The following PRKAR1B variants were observed in gnomAD, a reference collection of about 807,000 sequenced individuals.
PRKAR1B encodes the protein cAMP-dependent protein kinase type I-beta regulatory subunit.
In PRKAR1B, 22 loss-of-function variants were observed where a neutral mutation model predicts 46.5. The observed-to-expected ratio is 0.47, with a 90% confidence interval of 0.34 to 0.68. PRKAR1B has a LOEUF of 0.68. Among genes scored for constraint, PRKAR1B ranks in the 30% least tolerant of loss-of-function variants. The probability of loss-of-function intolerance (pLI) is 0.01; values close to 1 mark genes in which losing one functional copy is unlikely to be tolerated. For synonymous variants in PRKAR1B, 259 were observed against 217.7 expected (o/e 1.19, Z -1.67); for missense variants, 445 against 535.6 (o/e 0.83, Z 1.67).
At position 583,672 on chromosome 7, in the gene PRKAR1B, A is replaced by ACT. The variant is rs1554287338; in HGVS notation, c.769+835_769+836insAG. ...TGCACACCCATGCGCACACACCCAC[A>ACT]CACAACCCACACGGTGCACTCACAC... On this transcript the variant is annotated intron_variant, in intron 8 of 10. Coordinates refer to ENST00000537384, the MANE Select transcript of PRKAR1B (RefSeq NM_001164760.2). Among the ~76,000 whole-genome samples, 8 of 134,278 alleles carry ACT rather than the reference A, an allele frequency of 6.0e-5. 1 individual carries two copies. Among genetic ancestry groups the ACT allele is most frequent in the South Asian group, 2.4e-4 (1 of 4,186 alleles). The allele number at this position is 134,278 out of a possible 152,430, so 88.1% of individuals were successfully genotyped here.
intron 9 of PRKAR1B, among the ~76,000 whole-genome samples, chr7:562,666 A>G (rs1389174602): frequency 6.6e-6 from 1 of 152,206 alleles, no homozygotes; most frequent in Non-Finnish European, 1.5e-5. Flanking sequence ...GGTTCCAGAA[A>G]GAGCTCTTAA....
intron 6 of PRKAR1B, 77 bp from the exon 7 acceptor site, chr7:596,381 C>A: frequency 6.6e-7 from 1 of 1,515,734 alleles, no homozygotes. Flanking sequence ...AGAAAGTCCC[C>A]CTTAGCTCTC....
At chr7:584,994 C>T (rs781297181) in intron 7 of PRKAR1B, among the ~76,000 whole-genome samples, 4 of 152,104 alleles carry the variant, frequency 2.6e-5, no homozygotes, top group Non-Finnish European at 4.4e-5. Flanking sequence ...GTGCGGCTGA[C>T]GTCAGCTAAG....
At chr7:580,956 G>A (rs1354124903) in intron 8 of PRKAR1B, among the ~76,000 whole-genome samples, 1 of 152,140 alleles carries the variant, frequency 6.6e-6, no homozygotes, top group African/African-American at 2.4e-5. Context: ...TGCAGCATAG[G>A]GAAGGGGGGC....
At chr7:680,120 T>TGCACTCCA (rs1401319039) in intron 3 of PRKAR1B, among the ~76,000 whole-genome samples, 1 of 142,634 alleles carries the variant, frequency 7.0e-6, no homozygotes, top group African/African-American at 2.7e-5. Flanking sequence ...ATCGCACCAC[T>TGCACTCCA]GCACTCCAGC....
chr7:660,147 G>A (rs1162095101), intron 4 of PRKAR1B, among the ~76,000 whole-genome samples: 2 of 152,040 alleles, frequency 1.3e-5, no homozygotes, highest in African/African-American at 2.4e-5. Flanking sequence ...GCAGAGAGGG[G>A]AGGAGCCCAT....
intron 1 of PRKAR1B, among the ~76,000 whole-genome samples, chr7:725,256 G>A (rs1010871072): frequency 6.6e-6 from 1 of 150,402 alleles, no homozygotes; most frequent in South Asian, 2.1e-4. Flanking sequence ...CCACCATTTT[G>A]CAACACGAAG....
chr7:618,269 C>G (rs976636189), intron 4 of PRKAR1B, among the ~76,000 whole-genome samples: 5 of 152,224 alleles, frequency 3.3e-5, no homozygotes, highest in African/African-American at 1.2e-4. Flanking sequence ...TTGGCAACAC[C>G]TGTGTTTCGT....
intron 2 of PRKAR1B, among the ~76,000 whole-genome samples, chr7:701,225 G>C (rs938025313): frequency 6.8e-6 from 1 of 146,594 alleles, no homozygotes; most frequent in African/African-American, 2.5e-5. Context: ...GAGAAGGAGG[G>C]AAGGAGGGAG....
At chr7:577,904 G>T (rs1031895701) in intron 9 of PRKAR1B, among the ~76,000 whole-genome samples, 2 of 152,252 alleles carry the variant, frequency 1.3e-5, no homozygotes, top group African/African-American at 4.8e-5. Flanking sequence ...GAGGGTAGCA[G>T]CTCAGGGCGC....
At chr7:564,923 T>C (rs528950428) in intron 9 of PRKAR1B, among the ~76,000 whole-genome samples, 1 of 152,280 alleles carries the variant, frequency 6.6e-6, no homozygotes, top group South Asian at 2.1e-4. Context: ...GGAGATTTAT[T>C]GAGCTGCCCA....
chr7:659,257 A>G (rs527530555), intron 4 of PRKAR1B, among the ~76,000 whole-genome samples: 97 of 152,298 alleles, frequency 6.4e-4, no homozygotes, highest in Non-Finnish European at 1.1e-3. Flanking sequence ...AAAGCTCAGT[A>G]AAGCCAGGTA....
chr7:709,546 AT>A (rs1016761741), intron 2 of PRKAR1B, among the ~76,000 whole-genome samples: 30 of 151,526 alleles, frequency 2.0e-4, no homozygotes, highest in African/African-American at 6.8e-4. Flanking sequence ...AATTTTTTGT[AT>A]TTTTAGTAGA....
Position 602,837 on chromosome 7 carries a change from T to C in PRKAR1B, c.549+3356A>G, listed in dbSNP as rs191246486. 2.4e-4 allele frequency among the ~76,000 whole-genome samples: 36 copies of C among 152,048 alleles called. No homozygotes were observed. The highest frequency in any genetic ancestry group is 7.5e-4 in the African/African-American group (31 of 41,388). On this transcript the variant is annotated intron_variant, in intron 6 of 10. Coordinates refer to ENST00000537384, the MANE Select transcript of PRKAR1B (RefSeq NM_001164760.2). The surrounding 1 kb of genome is among the most constrained non-coding windows in gnomAD (Gnocchi z 6.4). ...GCTCTGTTCGTTTTTCTGAGTAATA[T>C]GGAAATGGCACGGCTCAGCCACACA...
At chr7:689,928 G>T (rs548576993) in intron 2 of PRKAR1B, among the ~76,000 whole-genome samples, 3 of 150,960 alleles carry the variant, frequency 2.0e-5, no homozygotes, top group Non-Finnish European at 4.4e-5. Context: ...TGATCCGCCC[G>T]CCTCGGCCTC....
chr7:679,069 C>T (rs1778507953), intron 3 of PRKAR1B, among the ~76,000 whole-genome samples: 1 of 152,212 alleles, frequency 6.6e-6, no homozygotes, highest in Non-Finnish European at 1.5e-5. Context: ...GCCTGGACAA[C>T]AAGAGTGAAA....
At position 691,731 on chromosome 7, in the gene PRKAR1B, G is replaced by A. The variant is rs1306943482; in HGVS notation, c.178-11005C>T. On this transcript the variant is annotated intron_variant, in intron 2 of 10. Coordinates refer to ENST00000537384, the MANE Select transcript of PRKAR1B (RefSeq NM_001164760.2). ...CCTCGTGGACAAAACCCCGGGGAGG[G>A]GAATCCAGGGTGCTGAGGGGATGGA... 3.2e-6 allele frequency: 4 copies of A among 1,242,698 alleles called. No individual in the cohort carries two copies. The East Asian group carries it at 1.7e-4, about 53-fold the overall frequency. The allele number at this position is 1,242,698 out of a possible 1,614,324, so 77.0% of individuals were successfully genotyped here. A position where few individuals can be genotyped will look rare whatever the true frequency, so the allele number is the denominator to read the frequency against.
intron 2 of PRKAR1B, among the ~76,000 whole-genome samples, chr7:705,314 AAAAAAAG>A (rs751962375): frequency 3.5e-4 from 53 of 149,632 alleles, no homozygotes; most frequent in East Asian, 2.3e-3. Context: ...ATTAAAAAAA[AAAAAAAG>A]AAAAAAGAAA....
rs781693548 is a variant in PRKAR1B, at chr7:607,385, A to C, written c.502+6T>G. Reference sequence around the variant, plus strand: ...ACTTTGGCTCCGAGGAGCAGGCAGAACGTACCTTGCTGTATAACAGTCTCC... The same window carrying C: ...ACTTTGGCTCCGAGGAGCAGGCAGACCGTACCTTGCTGTATAACAGTCTCC... On this transcript the variant is annotated splice_donor_region_variant and intron_variant, in intron 5 of 10. Coordinates refer to ENST00000537384, the MANE Select transcript of PRKAR1B (RefSeq NM_001164760.2). 16 of 1,612,768 alleles carry C rather than the reference A, an allele frequency of 9.9e-6. No individual in the cohort carries two copies. The highest frequency in any genetic ancestry group is 1.4e-5 in the Non-Finnish European group (16 of 1,179,006).
Sources: allele counts gnomAD v4.1 joint callset (sites outside exome capture counted in the v4.1 genomes callset), GRCh38; gene constraint gnomAD v4.1.1; non-coding constraint Gnocchi (gnomAD v3.1); transcripts MANE v1.5; gene names NCBI Gene and HGNC (gene_info 2026-07-23, HGNC 2026-07-21).